Variants in GALNTL6 observed in about 807,000 individuals in gnomAD.
The protein encoded by GALNTL6 is polypeptide N-acetylgalactosaminyltransferase-like 6.
GALNTL6 carries 46 observed loss-of-function variants against 73.7 expected under a neutral mutation model. The observed-to-expected ratio is 0.62, with a 90% CI of 0.49 to 0.80. The LOEUF is 0.80. Among genes scored for constraint, GALNTL6 ranks in the 30% least tolerant of loss-of-function variants. GALNTL6 has a pLI of 0.00. For synonymous variants in GALNTL6, 259 were observed against 263.7 expected, an observed-to-expected ratio of 0.98 and a Z score of 0.17; for missense variants, 604 against 755.0, an observed-to-expected ratio of 0.80 and a Z score of 2.34.
At chr4:172,643,134 A>G (rs919272241) in intron 5 of GALNTL6, among the ~76,000 whole-genome samples, 4 of 151,908 alleles carry the variant, frequency 2.6e-5, no homozygotes, top group East Asian at 1.9e-4. Context: ...CTAATGCATT[A>G]TACATTCATT....
intron 5 of GALNTL6, among the ~76,000 whole-genome samples, chr4:172,539,456 T>G (rs562831146): frequency 6.6e-6 from 1 of 152,308 alleles, no homozygotes; most frequent in African/African-American, 2.4e-5. Context: ...TGGAAAGACC[T>G]TTCCCTCCAC....
intron 8 of GALNTL6, among the ~76,000 whole-genome samples, chr4:172,922,680 G>A (rs962365645): frequency 2.0e-5 from 3 of 152,178 alleles, no homozygotes; most frequent in South Asian, 4.1e-4. Context: ...ATAAGTAGAA[G>A]CACTAAGTAT....
intron 2 of GALNTL6, among the ~76,000 whole-genome samples, chr4:172,092,004 T>A (rs778743936): frequency 6.6e-6 from 1 of 152,216 alleles, no homozygotes; most frequent in Non-Finnish European, 1.5e-5. Context: ...CTGGAAATTT[T>A]GACCCAGTCT....
chr4:172,561,481 C>T (rs995728452), intron 5 of GALNTL6, among the ~76,000 whole-genome samples: 1 of 152,022 alleles, frequency 6.6e-6, no homozygotes, highest in African/African-American at 2.4e-5. Flanking sequence ...TTAGGCAATA[C>T]CTGTCACGTT....
At chr4:172,318,216 T>TAA (rs1259221479) in intron 4 of GALNTL6, among the ~76,000 whole-genome samples, 1 of 152,050 alleles carries the variant, frequency 6.6e-6, no homozygotes, top group East Asian at 1.9e-4. Flanking sequence ...CATAATGAAA[T>TAA]AACAACAACA....
rs1383598260 is a variant in GALNTL6 at position 172,134,352 on chromosome 4, TCCAG to T, written c.139-95301_139-95298del. Among the ~76,000 whole-genome samples, 3 of 150,190 alleles carry T rather than the reference TCCAG, an allele frequency of 2.0e-5. No individual in the cohort carries two copies. In the Admixed American group the frequency reaches 2.0e-4, roughly 10 times the overall value. On this transcript the variant is annotated intron_variant, in intron 2 of 12. Coordinates refer to ENST00000506823, the MANE Select transcript of GALNTL6 (RefSeq NM_001034845.3). ...GTGAGCCGAGATCACTCCACTGCACTCCAGCCTGGGCAACAGAGCGAGACTCCTC... is the reference window on the plus strand; with the variant it reads ...GTGAGCCGAGATCACTCCACTGCACTCCTGGGCAACAGAGCGAGACTCCTC...
At chr4:172,268,553 A>C (rs1489183613) in intron 3 of GALNTL6, among the ~76,000 whole-genome samples, 1 of 152,214 alleles carries the variant, frequency 6.6e-6, no homozygotes, top group Non-Finnish European at 1.5e-5. Flanking sequence ...GGCAATTCCC[A>C]ACTAGGGCTG....
chr4:172,212,783 T>A (rs2110930046), intron 2 of GALNTL6, among the ~76,000 whole-genome samples: 1 of 152,292 alleles, frequency 6.6e-6, no homozygotes, highest in Non-Finnish European at 1.5e-5. Context: ...TTCTCCTGCC[T>A]CAGCCTCCTG....
chr4:172,967,561 A>G (rs904029745), intron 10 of GALNTL6, among the ~76,000 whole-genome samples: 14 of 152,040 alleles, frequency 9.2e-5, no homozygotes, highest in Non-Finnish European at 1.9e-4. Flanking sequence ...CCATGGTCTC[A>G]CTTTCTGCAC....
At chr4:172,931,604 G>A (rs1030364557) in intron 9 of GALNTL6, among the ~76,000 whole-genome samples, 7 of 152,082 alleles carry the variant, frequency 4.6e-5, no homozygotes, top group East Asian at 1.9e-4. Context: ...GAGTAGGTCC[G>A]CGGACCTGGG....
At chr4:172,515,411 T>A (rs972051324) in intron 5 of GALNTL6, among the ~76,000 whole-genome samples, 1 of 151,328 alleles carries the variant, frequency 6.6e-6, no homozygotes, top group Non-Finnish European at 1.5e-5. Context: ...GGCTTGTGTG[T>A]GATGACAGTG....
chr4:172,838,585 C>T (rs890430175), intron 7 of GALNTL6, among the ~76,000 whole-genome samples: 1 of 152,114 alleles, frequency 6.6e-6, no homozygotes, highest in Non-Finnish European at 1.5e-5. Context: ...CAACCAAAGT[C>T]CCTGCTTTGT....
chr4:172,855,517 C>G (rs1579570540), intron 7 of GALNTL6, among the ~76,000 whole-genome samples: 1 of 151,994 alleles, frequency 6.6e-6, no homozygotes, highest in Non-Finnish European at 1.5e-5. Flanking sequence ...AAAGAATGAC[C>G]AATTTCTGTG....
At chr4:172,358,758 T>G (rs1485478201) in intron 5 of GALNTL6, among the ~76,000 whole-genome samples, 1 of 151,050 alleles carries the variant, frequency 6.6e-6, no homozygotes, top group East Asian at 2.0e-4. Context: ...AAGAATAATT[T>G]CTATACATAG....
chr4:172,536,525 T>C (rs543269121), intron 5 of GALNTL6, among the ~76,000 whole-genome samples: 46 of 152,306 alleles, frequency 3.0e-4, no homozygotes, highest in African/African-American at 1.1e-3. Context: ...ACTCTTGCTA[T>C]GTTTTAGCAA....
At chr4:172,479,756 C>A (rs749476745) in intron 5 of GALNTL6, among the ~76,000 whole-genome samples, 1 of 152,136 alleles carries the variant, frequency 6.6e-6, no homozygotes, top group Non-Finnish European at 1.5e-5. Flanking sequence ...TTGTCGATGA[C>A]CCACTTTAAC....
Position 171,887,573 on chromosome 4 carries a change from A to C in GALNTL6, c.138+72855A>C, listed in dbSNP as rs1011994733. Reference sequence around the variant, plus strand: ...GTTGTGCTAACACAGTGGTAAGATAATTATAAAAGAAGGGACAATGAGATA... The same window carrying C: ...GTTGTGCTAACACAGTGGTAAGATACTTATAAAAGAAGGGACAATGAGATA... On this transcript the variant is annotated intron_variant, in intron 2 of 12. Transcript: ENST00000506823. Among the ~76,000 whole-genome samples, 25 of 152,338 alleles carry C rather than the reference A, an allele frequency of 1.6e-4. No homozygotes were observed. In the Middle Eastern group the frequency reaches 0.02, roughly 124 times the overall value.
intron 10 of GALNTL6, among the ~76,000 whole-genome samples, chr4:172,999,828 T>A (rs1441902657): frequency 6.6e-6 from 1 of 151,952 alleles, no homozygotes; most frequent in Non-Finnish European, 1.5e-5. Context: ...TTAGTTCAGA[T>A]TCTCATTGCC....
At chr4:172,265,066 G>A (rs374263333) in intron 3 of GALNTL6, among the ~76,000 whole-genome samples, 2 of 151,654 alleles carry the variant, frequency 1.3e-5, no homozygotes, top group African/African-American at 4.8e-5. Context: ...GCTACTTTTA[G>A]GGGTTTTCAA....
Sources: gnomAD v4.1 joint callset for allele counts (sites outside exome capture counted in the v4.1 genomes callset) on GRCh38, gnomAD v4.1.1 for gene constraint, MANE v1.5 for transcripts, NCBI Gene and HGNC (gene_info 2026-07-23, HGNC 2026-07-21) for gene names.